Variants in KCNJ15 observed in about 807,000 individuals in gnomAD.
The protein encoded by KCNJ15 is ATP-sensitive inward rectifier potassium channel 15.
A neutral mutation model predicts 23.0 loss-of-function variants in KCNJ15; 14 were observed. That is an observed-to-expected ratio of 0.61 (90% CI 0.40 to 0.95). The LOEUF is 0.95. KCNJ15 is among the 40% of genes least tolerant of loss of function. The probability of loss-of-function intolerance (pLI) is 0.00; values close to 1 mark genes in which losing one functional copy is unlikely to be tolerated. For synonymous variants in KCNJ15, 185 were observed against 183.2 expected (o/e 1.01, Z -0.08); for missense variants, 388 against 461.8 (o/e 0.84, Z 1.46).
intron 1 of KCNJ15, among the ~76,000 whole-genome samples, chr21:38,234,325 C>G (rs1233470075): frequency 1.3e-5 from 2 of 152,198 alleles, no homozygotes; most frequent in Non-Finnish European, 2.9e-5. Flanking sequence ...TGGCCCAAGA[C>G]AATTCTTCTT....
At chr21:38,294,105 A>T (rs1984903188) in intron 1 of KCNJ15, among the ~76,000 whole-genome samples, 1 of 152,226 alleles carries the variant, frequency 6.6e-6, no homozygotes, top group East Asian at 1.9e-4. Flanking sequence ...GTGAACCCCA[A>T]GTAGATTCTT....
chr21:38,255,583 GAGA>G (rs1167510226), upstream of KCNJ15, among the ~76,000 whole-genome samples: 1 of 152,132 alleles, frequency 6.6e-6, no homozygotes. Context: ...AAGAGCAAAA[GAGA>G]AGGAGACTGA....
At chr21:38,281,755 G>A (rs1487186554) in intron 1 of KCNJ15, among the ~76,000 whole-genome samples, 2 of 152,252 alleles carry the variant, frequency 1.3e-5, no homozygotes, top group East Asian at 3.9e-4. Context: ...TCTTTTGGTA[G>A]AATGATATAG....
intron 1 of KCNJ15, among the ~76,000 whole-genome samples, chr21:38,277,970 C>G (rs1601203686): frequency 1.3e-5 from 2 of 152,128 alleles, no homozygotes; most frequent in African/African-American, 4.8e-5. Context: ...TGGACATGGC[C>G]CAACCCCTGC....
At chr21:38,286,000 T>C (rs2123692378) in intron 1 of KCNJ15, among the ~76,000 whole-genome samples, 3 of 152,228 alleles carry the variant, frequency 2.0e-5, no homozygotes, top group Non-Finnish European at 4.4e-5. Context: ...TCCCAGCACT[T>C]TGGGAGGCCG....
intron 1 of KCNJ15, among the ~76,000 whole-genome samples, chr21:38,241,967 TAAAAAAAAAAA>T (rs34321677): frequency 8.0e-5 from 9 of 111,986 alleles, no homozygotes; most frequent in African/African-American, 3.1e-4. Context: ...AGACTCCATC[TAAAAAAAAAAA>T]AAAAAAAAAA....
intron 1 of KCNJ15, among the ~76,000 whole-genome samples, chr21:38,247,582 A>T (rs539487329): frequency 6.6e-6 from 1 of 152,296 alleles, no homozygotes; most frequent in East Asian, 1.9e-4. Context: ...AGATGCATGC[A>T]TGCATAGGTA....
chr21:38,256,379 T>TAA (rs1568989773), upstream of KCNJ15, among the ~76,000 whole-genome samples: 1 of 118,096 alleles, frequency 8.5e-6, no homozygotes, highest in African/African-American at 6.0e-5. Context: ...TATATATATA[T>TAA]AATATTTATC....
chr21:38,293,272 T>G (rs1348209743), intron 1 of KCNJ15, among the ~76,000 whole-genome samples: 1 of 152,014 alleles, frequency 6.6e-6, no homozygotes, highest in Non-Finnish European at 1.5e-5. Flanking sequence ...CCCACCCACA[T>G]GCAAGGCAAG....
In KCNJ15 at chr21:38,306,504, C is replaced by T. The variant is rs1986061691; in HGVS notation, c.*6115C>T. The T allele has an allele frequency of 6.6e-6, 1 of 152,088 alleles. No homozygotes were observed. The highest frequency in any genetic ancestry group is 2.4e-5 in the African/African-American group (1 of 41,418). 9.4% of individuals were successfully genotyped at this position (152,088 alleles called of 1,614,324 possible). A position where few individuals can be genotyped will look rare whatever the true frequency, so the allele number is the denominator to read the frequency against. On this transcript the variant is annotated 3_prime_UTR_variant, in exon 3 of 3. Coordinates refer to ENST00000398938, the MANE Select transcript of KCNJ15 (RefSeq NM_170736.3). Reference sequence around the variant, plus strand: ...CCAAGAAGGTGATTGGAGGGAAGTTCAAAGGGAAGATTTTTTTCATTCACT... The same window carrying T: ...CCAAGAAGGTGATTGGAGGGAAGTTTAAAGGGAAGATTTTTTTCATTCACT...
At chr21:38,291,090 A>G (rs1160075893) in intron 1 of KCNJ15, among the ~76,000 whole-genome samples, 1 of 152,056 alleles carries the variant, frequency 6.6e-6, no homozygotes, top group Non-Finnish European at 1.5e-5. Flanking sequence ...GTAATAAACA[A>G]ATGTGCAATG....
chr21:38,299,810 T>C lies in KCNJ15; in HGVS notation c.549T>C (p.Cys183=), dbSNP rs200671820. ...KRAETIKFSH[C]AVITKQNGKL... is the part of the protein sequence containing the mutation. ...CTGAGACCATCAAGTTCAGCCACTG[T>C]GCAGTCATCACCAAGCAGAATGGGA... The change falls in exon 3 of 3, where the codon TGT becomes TGC. Residue 183 remains cysteine, a synonymous_variant. Coordinates refer to ENST00000398938, the MANE Select transcript of KCNJ15 (RefSeq NM_170736.3). The surrounding 1 kb of genome is among the most constrained non-coding windows in gnomAD (Gnocchi z 4.5). 2.0e-4 allele frequency: 330 copies of C among 1,614,130 alleles called. 2 individuals are homozygous for C. The South Asian group carries it at 3.2e-3, about 16-fold the overall frequency.
chr21:38,250,222 T>G (rs1405251077), intron 1 of KCNJ15, among the ~76,000 whole-genome samples: 1 of 152,190 alleles, frequency 6.6e-6, no homozygotes, highest in Admixed American at 6.5e-5. Context: ...ATACCCAAGA[T>G]GAGACCTGGG....
At chr21:38,257,971 C>T (rs1410527492) in intron 1 of KCNJ15, among the ~76,000 whole-genome samples, 1 of 151,916 alleles carries the variant, frequency 6.6e-6, no homozygotes, top group Non-Finnish European at 1.5e-5. Flanking sequence ...AGAAAACTTA[C>T]AACGAATGTA....
rs1179159634 is a variant in KCNJ15, at chr21:38,307,051, G to A, written c.*6662G>A. 1 of 152,306 alleles carries A rather than the reference G, an allele frequency of 6.6e-6. No homozygotes were observed. The highest frequency in any genetic ancestry group is 1.9e-4 in the East Asian group (1 of 5,180). 9.4% of individuals were successfully genotyped at this position (152,306 alleles called of 1,614,324 possible). ...GTCCTTGCTTTCCCATGGTTCTTAA[G>A]TGAGTCTTAAGCTTGGATTTGCTCC... On this transcript the variant is annotated 3_prime_UTR_variant, in exon 3 of 3. Transcript: ENST00000398938.
At chr21:38,230,806 C>T (rs1988713943) in intron 1 of KCNJ15, among the ~76,000 whole-genome samples, 1 of 151,998 alleles carries the variant, frequency 6.6e-6, no homozygotes, top group South Asian at 2.1e-4. Context: ...ATGTCAATAC[C>T]ATACTGTTTT....
rs561883070 is a variant in KCNJ15 at position 38,240,338 on chromosome 21, A to T, written c.-398-16708A>T. On this transcript the variant is annotated intron_variant, in intron 1 of 4. Transcript: ENST00000547341. ...AGGCCTAATGATTATATTTGAAGCCACTCTGGCCAGTTTTCCTGATTGGAA... is the reference window on the plus strand; with the variant it reads ...AGGCCTAATGATTATATTTGAAGCCTCTCTGGCCAGTTTTCCTGATTGGAA... Among the ~76,000 whole-genome samples the T allele has an allele frequency of 3.3e-5, 5 of 152,254 alleles. No individual in the cohort carries two copies. In the East Asian group the frequency reaches 9.7e-4, roughly 29 times the overall value.
At chr21:38,244,054 A>G (rs1979195040) in intron 1 of KCNJ15, among the ~76,000 whole-genome samples, 1 of 152,082 alleles carries the variant, frequency 6.6e-6, no homozygotes, top group South Asian at 2.1e-4. Context: ...TCTTTATTTC[A>G]TTTTTAGATT....
intron 1 of KCNJ15, among the ~76,000 whole-genome samples, chr21:38,239,083 A>G (rs948150802): frequency 1.3e-5 from 2 of 152,226 alleles, no homozygotes; most frequent in Non-Finnish European, 2.9e-5. Flanking sequence ...GCTTGCTATT[A>G]GAGGAGGAAG....
Sources: allele counts gnomAD v4.1 joint callset (sites outside exome capture counted in the v4.1 genomes callset), GRCh38; gene constraint gnomAD v4.1.1; non-coding constraint Gnocchi (gnomAD v3.1); transcripts MANE v1.5; gene names NCBI Gene and HGNC (gene_info 2026-07-23, HGNC 2026-07-21).